Variants in STX8 observed in about 807,000 individuals in gnomAD.
STX8 encodes the protein syntaxin 8.
STX8 carries 23 observed loss-of-function variants against 37.5 expected under a neutral mutation model. The ratio of observed to expected loss-of-function variants is 0.61; its 90% CI spans 0.44 to 0.87. STX8 has a LOEUF of 0.87. Ranked by LOEUF, STX8 falls within the 40% of genes least tolerant of loss-of-function variation. The pLI is 0.00. For missense variants in STX8, 313 were observed against 284.7 expected (o/e 1.10, Z -0.71); for synonymous variants, 115 against 99.1 (o/e 1.16, Z -0.95).
In STX8 at chr17:9,568,569, C is replaced by T. The variant is rs573787462; in HGVS notation, c.18-99G>A. 1.5e-3 allele frequency: 1,351 copies of T among 887,692 alleles called. 4 individuals carry two copies. The highest frequency in any genetic ancestry group is 3.2e-3 in the Admixed American group (127 of 40,108). 55.0% of individuals were successfully genotyped at this position (887,692 alleles called of 1,614,324 possible). A position where few individuals can be genotyped will look rare whatever the true frequency, so the allele number is the denominator to read the frequency against. On this transcript the variant is annotated intron_variant, in intron 1 of 7. Coordinates refer to ENST00000306357, the MANE Select transcript of STX8 (RefSeq NM_004853.3). ...AGGCTGGAGTGCAGTGGCACGATCT[C>T]AGCTCACTGCAAGCTCTGCCTCCTG...
intron 7 of STX8, among the ~76,000 whole-genome samples, chr17:9,299,637 G>A (rs553160885): frequency 6.6e-6 from 1 of 152,076 alleles, no homozygotes; most frequent in East Asian, 1.9e-4. Flanking sequence ...TAGAGACAGG[G>A]TTTCACCGTG....
chr17:9,274,418 T>C (rs1907582575), intron 7 of STX8, among the ~76,000 whole-genome samples: 1 of 152,064 alleles, frequency 6.6e-6, no homozygotes, highest in East Asian at 1.9e-4. Context: ...TTTGGGAGGC[T>C]GTAATCCCAG....
chr17:9,403,886 T>C (rs1331341201), intron 6 of STX8, among the ~76,000 whole-genome samples: 1 of 152,062 alleles, frequency 6.6e-6, no homozygotes, highest in Non-Finnish European at 1.5e-5. Context: ...GACCTCATGA[T>C]CTGCCCGCCT....
chr17:9,461,753 T>TATTATA (rs946617910), intron 6 of STX8, among the ~76,000 whole-genome samples: 1 of 152,074 alleles, frequency 6.6e-6, no homozygotes, highest in Non-Finnish European at 1.5e-5. Context: ...CTATTATTAT[T>TATTATA]ATTATAATAT....
chr17:9,532,674 C>A (rs1172165897), intron 4 of STX8, among the ~76,000 whole-genome samples: 2 of 151,906 alleles, frequency 1.3e-5, no homozygotes, highest in Non-Finnish European at 2.9e-5. Context: ...TATTCATTCC[C>A]ATAAACCACT....
At chr17:9,335,122 T>TG (rs1227518827) in intron 7 of STX8, among the ~76,000 whole-genome samples, 2 of 152,274 alleles carry the variant, frequency 1.3e-5, no homozygotes, top group East Asian at 3.9e-4. Flanking sequence ...CTCATACCCC[T>TG]GCTCTCTTTA....
intron 7 of STX8, among the ~76,000 whole-genome samples, chr17:9,281,135 G>C (rs1327399917): frequency 6.6e-6 from 1 of 152,174 alleles, no homozygotes; most frequent in African/African-American, 2.4e-5. Context: ...CTTCAACGTG[G>C]AGAATGGACT....
intron 7 of STX8, among the ~76,000 whole-genome samples, chr17:9,287,354 A>T (rs1349290938): frequency 1.3e-5 from 2 of 152,176 alleles, no homozygotes; most frequent in Non-Finnish European, 2.9e-5. Flanking sequence ...AATCAGGCAA[A>T]CTACCTCTCC....
intron 6 of STX8, among the ~76,000 whole-genome samples, chr17:9,418,740 T>C (rs552761495): frequency 7.1e-6 from 1 of 141,116 alleles, no homozygotes; most frequent in South Asian, 2.2e-4. Context: ...GGCAGGAGAA[T>C]GGCATGAACG....
chr17:9,322,326 A>G (rs1473860694), intron 7 of STX8, among the ~76,000 whole-genome samples: 1 of 152,036 alleles, frequency 6.6e-6, no homozygotes, highest in East Asian at 1.9e-4. Context: ...GCTGGACAGA[A>G]TAAGTAAAAT....
intron 7 of STX8, among the ~76,000 whole-genome samples, chr17:9,251,750 G>A (rs11870775): frequency 0.17 from 25,586 of 152,206 alleles, 2,149 homozygotes; most frequent in African/African-American, 0.2. Flanking sequence ...CCAAGTTCAC[G>A]GGCTTCCCGA....
chr17:9,364,357 A>C (rs1911158424), intron 7 of STX8, among the ~76,000 whole-genome samples: 1 of 152,180 alleles, frequency 6.6e-6, no homozygotes, highest in Admixed American at 6.6e-5. Flanking sequence ...TTCATGATGG[A>C]GAAGTCATTT....
chr17:9,492,022 G>T, intron 5 of STX8, 101 bp from the exon 6 acceptor site: 1 of 744,212 alleles, frequency 1.3e-6, no homozygotes, highest in Non-Finnish European at 2.0e-6. Context: ...ATATAAATCA[G>T]TCAGGAAAAA....
At chr17:9,360,227 CTTTTTTTTTT>C (rs58213453) in intron 7 of STX8, among the ~76,000 whole-genome samples, 2 of 72,610 alleles carry the variant, frequency 2.8e-5, no homozygotes, top group Admixed American at 2.0e-4. Context: ...AATTAACCGT[CTTTTTTTTTT>C]TTTTTTTTTT....
chr17:9,536,017 A>G (rs1906035845), intron 4 of STX8, among the ~76,000 whole-genome samples: 1 of 152,184 alleles, frequency 6.6e-6, no homozygotes, highest in South Asian at 2.1e-4. Flanking sequence ...TAAAAGATGG[A>G]GGGAGATAAT....
chr17:9,488,467 A>G (rs1906700592), intron 6 of STX8, among the ~76,000 whole-genome samples: 1 of 152,182 alleles, frequency 6.6e-6, no homozygotes, highest in Non-Finnish European at 1.5e-5. Context: ...GTTGCTCATC[A>G]GCTGACCTCA....
chr17:9,406,128 A>G (rs964471060), intron 6 of STX8, among the ~76,000 whole-genome samples: 2 of 152,204 alleles, frequency 1.3e-5, no homozygotes, highest in African/African-American at 4.8e-5. Flanking sequence ...GGATTTATTT[A>G]TCTTGAAATT....
chr17:9,305,672 C>G (rs535414185), intron 7 of STX8: 1 of 149,524 alleles, frequency 6.7e-6, no homozygotes, highest in African/African-American at 2.5e-5. Context: ...CAACAGTGGA[C>G]AGCATATATC....
At chr17:9,258,044 C>G (rs1277140178) in intron 7 of STX8, among the ~76,000 whole-genome samples, 1 of 152,188 alleles carries the variant, frequency 6.6e-6, no homozygotes, top group African/African-American at 2.4e-5. Context: ...GCTTTTCACA[C>G]CAGAAGAGTT....
Sources: allele counts gnomAD v4.1 joint callset (sites outside exome capture counted in the v4.1 genomes callset), GRCh38; gene constraint gnomAD v4.1.1; transcripts MANE v1.5; gene names NCBI Gene and HGNC (gene_info 2026-07-23, HGNC 2026-07-21).